SCIN: variants seen among roughly 807,000 people sequenced by gnomAD.
SCIN encodes the protein adseverin.
Under a neutral mutation model 91.8 loss-of-function variants are expected in SCIN, and 91 were observed. That is an observed-to-expected ratio of 0.99 (90% CI 0.84 to 1.18). The LOEUF (loss-of-function observed/expected upper bound fraction) is 1.18, where lower values mean the gene tolerates loss of function less well. SCIN is among the 50% of genes most tolerant of loss of function. The probability of loss-of-function intolerance (pLI) is 0.00; values close to 1 mark genes in which losing one functional copy is unlikely to be tolerated. For missense variants in SCIN, 1,087 were observed against 863.9 expected, an observed-to-expected ratio of 1.26 and a Z score of -3.24; for synonymous variants, 367 against 312.6, an observed-to-expected ratio of 1.17 and a Z score of -1.84.
chr7:12,602,381 G>T (rs1304955351), intron 3 of SCIN, among the ~76,000 whole-genome samples: 7 of 152,188 alleles, frequency 4.6e-5, no homozygotes, highest in Non-Finnish European at 1.0e-4. Context: ...AAGGGTCTAT[G>T]TTCAGCTGTG....
At chr7:12,575,143 G>A (rs1782343177) in intron 1 of SCIN, among the ~76,000 whole-genome samples, 1 of 151,554 alleles carries the variant, frequency 6.6e-6, no homozygotes, top group Non-Finnish European at 1.5e-5. Context: ...CATGTTCATT[G>A]TTTCTATATA....
At position 12,612,011 on chromosome 7, in the gene SCIN, C is replaced by A. The variant is rs926125811; in HGVS notation, c.666+7348C>A. On this transcript the variant is annotated intron_variant, in intron 4 of 15. Transcript: ENST00000297029. ...AAGTCATTAAACTATTTTTCTGTTG[C>A]CCTCCTATTTTTTTTCATTCTAGTC... 2.0e-5 allele frequency among the ~76,000 whole-genome samples: 3 copies of A among 151,678 alleles called. 1 individual carries two copies. Among genetic ancestry groups the A allele is most frequent in the Non-Finnish European group, 4.4e-5 (3 of 67,938 alleles).
Position 12,654,658 on chromosome 7 carries a change from T to C in SCIN, c.*1943T>C, listed in dbSNP as rs959215346. On this transcript the variant is annotated 3_prime_UTR_variant, in exon 16 of 16. Transcript: ENST00000297029. ...TTAGTAAAGGTCAAGGTGAGTGGCTTAGGGTACACTGTATTTTACGATGTT... is the reference window on the plus strand; with the variant it reads ...TTAGTAAAGGTCAAGGTGAGTGGCTCAGGGTACACTGTATTTTACGATGTT... 6.6e-6 allele frequency: 1 copy of C among 152,180 alleles called. No individual in the cohort carries two copies. The highest frequency in any genetic ancestry group is 1.5e-5 in the Non-Finnish European group (1 of 68,000). The allele number at this position is 152,180 out of a possible 1,614,324, so 9.4% of individuals were successfully genotyped here.
chr7:12,622,904 T>G lies in SCIN; in HGVS notation c.759+11T>G. 2 of 1,589,958 alleles carry G rather than the reference T, an allele frequency of 1.3e-6. No individual in the cohort carries two copies. Among genetic ancestry groups the G allele is most frequent in the Non-Finnish European group, 1.7e-6 (2 of 1,159,492 alleles). On this transcript the variant is annotated intron_variant, in intron 5 of 15. Transcript: ENST00000297029. ...GCTAAACTATACATGGTGAGTTCAC[T>G]GTAACCAAATTTATTGTTTCAACAG...
rs139013372 is a variant in SCIN, at chr7:12,603,036, G to A, written c.517-1478G>A. 3.6e-3 allele frequency among the ~76,000 whole-genome samples: 541 copies of A among 152,190 alleles called. 2 individuals carry two copies. The highest frequency in any genetic ancestry group is 0.013 in the African/African-American group (520 of 41,510). On this transcript the variant is annotated intron_variant, in intron 3 of 15. Coordinates refer to ENST00000297029, the MANE Select transcript of SCIN (RefSeq NM_001112706.3). ...TGCTGTGGCTCCAGCCAGTCCCTCC[G>A]TTTGGGGTCCCTGACTTCCCGCAAC...
rs769205715 is a variant in SCIN at position 12,570,966 on chromosome 7, C to T, written c.180C>T (p.Tyr60=). ...CCAAGACGAGCCGAGGCTTCACCTA[C>T]CACCTGCACTTCTGGCTCGGTAAGG... is the stretch of plus-strand genomic sequence containing the variant. ...HTAKTSRGFT[Y]HLHFWLGKEC... Residue 60 remains tyrosine (Y), a synonymous_variant, in exon 1 of 16, where the codon TAC becomes TAT. Coordinates refer to ENST00000297029, the MANE Select transcript of SCIN (RefSeq NM_001112706.3). 27 of 1,550,918 alleles carry T rather than the reference C, an allele frequency of 1.7e-5. No homozygotes were observed. The highest frequency in any genetic ancestry group is 2.3e-5 in the Non-Finnish European group (26 of 1,146,660).
intron 3 of SCIN, chr7:12,596,318 C>T: frequency 2.2e-6 from 1 of 455,632 alleles, no homozygotes; most frequent in South Asian, 1.6e-5. Context: ...TCATCTTGCA[C>T]ATCCCCAAGA....
chr7:12,610,790 G>A (rs997687769), intron 4 of SCIN, among the ~76,000 whole-genome samples: 3 of 152,014 alleles, frequency 2.0e-5, no homozygotes, highest in African/African-American at 7.2e-5. Flanking sequence ...CCAGCCTCTC[G>A]AAAAACAACA....
chr7:12,590,761 T>C (rs1782704790), intron 3 of SCIN, among the ~76,000 whole-genome samples: 1 of 152,142 alleles, frequency 6.6e-6, no homozygotes, highest in Non-Finnish European at 1.5e-5. Context: ...ACTCCTGCTT[T>C]AGCTGGGAGG....
At chr7:12,576,129 TA>T (rs1782364988) in intron 1 of SCIN, among the ~76,000 whole-genome samples, 1 of 152,188 alleles carries the variant, frequency 6.6e-6, no homozygotes, top group Admixed American at 6.5e-5. Context: ...CCTTTGATGT[TA>T]ACCTTGATTC....
At chr7:12,604,700 C>G (rs779178283) in intron 4 of SCIN, 37 bp downstream of exon 4, 23 of 1,508,364 alleles carry the variant, frequency 1.5e-5, no homozygotes, top group Middle Eastern at 3.4e-4. Context: ...AGGGTTACCA[C>G]TCCAACTCGT....
intron 4 of SCIN, among the ~76,000 whole-genome samples, chr7:12,617,609 T>G (rs1205598539): frequency 1.3e-5 from 2 of 152,068 alleles, no homozygotes; most frequent in Admixed American, 6.6e-5. Context: ...TAATAATTTG[T>G]CCAGGGGAGA....
chr7:12,584,306 G>T (rs771834120), intron 3 of SCIN, among the ~76,000 whole-genome samples: 3 of 152,166 alleles, frequency 2.0e-5, no homozygotes, highest in Non-Finnish European at 4.4e-5. Context: ...CTTCAAGTTT[G>T]TATTATGACC....
chr7:12,631,656 T>C (rs2115281246), intron 9 of SCIN, among the ~76,000 whole-genome samples: 1 of 152,122 alleles, frequency 6.6e-6, no homozygotes, highest in East Asian at 1.9e-4. Context: ...GCCTCAGGAG[T>C]CTGCAGAGTC....
chr7:12,641,744 A>G (rs1431069051), intron 11 of SCIN, among the ~76,000 whole-genome samples: 1 of 151,910 alleles, frequency 6.6e-6, no homozygotes, highest in Non-Finnish European at 1.5e-5. Flanking sequence ...CATTCTGGCA[A>G]TTCTCCAGGC....
chr7:12,592,525 G>C (rs186087872), intron 3 of SCIN, among the ~76,000 whole-genome samples: 1 of 152,016 alleles, frequency 6.6e-6, no homozygotes, highest in African/African-American at 2.4e-5. Flanking sequence ...CTACGGAAGG[G>C]TTAATGAGAG....
At chr7:12,642,873 G>C (rs1783884464) in intron 11 of SCIN, among the ~76,000 whole-genome samples, 1 of 151,942 alleles carries the variant, frequency 6.6e-6, no homozygotes, top group Non-Finnish European at 1.5e-5. Flanking sequence ...CCAAGTCTCG[G>C]CCTTGGCCCC....
chr7:12,585,601 A>C (rs1265048660), intron 3 of SCIN, among the ~76,000 whole-genome samples: 2 of 152,058 alleles, frequency 1.3e-5, no homozygotes, highest in African/African-American at 2.4e-5. Context: ...TTCTTCTCTA[A>C]TTGTCTTTAT....
chr7:12,604,796 G>A lies in SCIN; in HGVS notation c.666+133G>A, dbSNP rs372492458. 5.7e-6 allele frequency: 4 copies of A among 704,450 alleles called. No individual in the cohort carries two copies. In the South Asian group the frequency reaches 7.2e-5, roughly 13 times the overall value. The allele number at this position is 704,450 out of a possible 1,614,324, so 43.6% of individuals were successfully genotyped here. ...GATTCAACACATGTTTCAATAGTGA[G>A]CCTAGCTACAATTAGTAAGAGGAAA... is the stretch of plus-strand genomic sequence containing the variant. On this transcript the variant is annotated intron_variant, in intron 4 of 15. Coordinates refer to ENST00000297029, the MANE Select transcript of SCIN (RefSeq NM_001112706.3).
Sources: allele counts gnomAD v4.1 joint callset (sites outside exome capture counted in the v4.1 genomes callset), GRCh38; gene constraint gnomAD v4.1.1; transcripts MANE v1.5; gene names NCBI Gene and HGNC (gene_info 2026-07-23, HGNC 2026-07-21).